Variants in NLGN4X observed in about 807,000 individuals in gnomAD.
NLGN4X encodes the protein neuroligin-4, X-linked.
NLGN4X carries 3 observed loss-of-function variants against 40.3 expected under a neutral mutation model. That is an observed-to-expected ratio of 0.07 (90% CI 0.03 to 0.19). The LOEUF (loss-of-function observed/expected upper bound fraction) is 0.19. NLGN4X is among the 10% of genes least tolerant of loss of function. The pLI is 1.00. For missense variants in NLGN4X, 382 were observed against 708.3 expected (o/e 0.54, Z 5.23); for synonymous variants, 270 against 306.8 (o/e 0.88, Z 1.25).
At chrX:5,938,240 T>C (rs900994441) in intron 3 of NLGN4X, among the ~76,000 whole-genome samples, 1 of 111,369 alleles carries the variant, frequency 9.0e-6, no homozygotes, top group Non-Finnish European at 1.9e-5. Flanking sequence ...TGGGTTCAAG[T>C]TCAGGTTGTG....
chrX:6,193,143 C>G (rs1453870918), intron 1 of NLGN4X, among the ~76,000 whole-genome samples: 1 of 110,284 alleles, frequency 9.1e-6, no homozygotes, highest in Admixed American at 9.6e-5. Flanking sequence ...CTCCCTGGGC[C>G]GGGCGCGGTG....
At chrX:5,969,334 CA>C (rs2034941510) in intron 3 of NLGN4X, among the ~76,000 whole-genome samples, 1 of 110,210 alleles carries the variant, frequency 9.1e-6, no homozygotes, top group Non-Finnish European at 1.9e-5. Context: ...CAAGAAAAAA[CA>C]AAACAACCCC....
At chrX:6,027,061 A>T (rs993548048) in intron 3 of NLGN4X, among the ~76,000 whole-genome samples, 5 of 112,075 alleles carry the variant, frequency 4.5e-5, no homozygotes, top group Non-Finnish European at 7.5e-5. Context: ...CAGCAAAGCA[A>T]GAATTTTCTT....
intron 2 of NLGN4X, among the ~76,000 whole-genome samples, chrX:6,087,982 T>G (rs773102462): frequency 9.0e-6 from 1 of 111,719 alleles, no homozygotes; most frequent in Admixed American, 9.5e-5. Flanking sequence ...ATTTCTCACT[T>G]TTATTCTGAA....
At chrX:6,178,675 CA>C (rs1921071281) in intron 1 of NLGN4X, among the ~76,000 whole-genome samples, 1 of 112,198 alleles carries the variant, frequency 8.9e-6, no homozygotes, top group Non-Finnish European at 1.9e-5. Flanking sequence ...CACTTATTTT[CA>C]AAAAAAGTAT....
chrX:6,225,690 T>TTTTTTTC, intron 1 of NLGN4X, among the ~76,000 whole-genome samples: 1 of 32,457 alleles, frequency 3.1e-5, no homozygotes, highest in Non-Finnish European at 4.7e-5. Flanking sequence ...TCTTTTTTTC[T>TTTTTTTC]TTTTTTTTTT....
intron 3 of NLGN4X, among the ~76,000 whole-genome samples, chrX:5,958,385 A>G (rs1188329932): frequency 9.0e-6 from 1 of 111,509 alleles, no homozygotes; most frequent in Non-Finnish European, 1.9e-5. Flanking sequence ...GAAAATCCAG[A>G]ATTTTTTTCT....
chrX:6,225,011 TAC>T (rs1380311869), intron 1 of NLGN4X, among the ~76,000 whole-genome samples: 4,807 of 48,744 alleles, frequency 0.099, 201 homozygotes, highest in African/African-American at 0.14. Flanking sequence ...TATATATATA[TAC>T]ACACACACAC....
chrX:6,150,088 T>C (rs1362765927), intron 2 of NLGN4X, among the ~76,000 whole-genome samples: 1 of 111,515 alleles, frequency 9.0e-6, no homozygotes, highest in African/African-American at 3.3e-5. Flanking sequence ...TTCCCACAAA[T>C]TAACTTCCTT....
intron 3 of NLGN4X, among the ~76,000 whole-genome samples, chrX:5,979,954 AAC>A (rs200238389): frequency 0.068 from 7,244 of 106,665 alleles, 616 homozygotes; most frequent in African/African-American, 0.23. Flanking sequence ...ATATATAAAA[AAC>A]ACAGTATTTT....
At chrX:5,915,121 C>T (rs1169455270) in intron 3 of NLGN4X, among the ~76,000 whole-genome samples, 2 of 112,216 alleles carry the variant, frequency 1.8e-5, no homozygotes, top group African/African-American at 3.2e-5. Flanking sequence ...GACCATTCTC[C>T]ATTTGTATCA....
chrX:6,099,579 T>C (rs2038861070), intron 2 of NLGN4X, among the ~76,000 whole-genome samples: 1 of 112,111 alleles, frequency 8.9e-6, no homozygotes, highest in African/African-American at 3.2e-5. Flanking sequence ...GTATCTACTA[T>C]CCATTCTTAC....
At chrX:6,133,152 CCAT>C (rs1238064064) in intron 2 of NLGN4X, among the ~76,000 whole-genome samples, 4 of 83,045 alleles carry the variant, frequency 4.8e-5, no homozygotes, top group African/African-American at 7.8e-5. Context: ...ACGATAACCA[CCAT>C]CATCATTATC....
At chrX:5,905,157 C>T in intron 4 of NLGN4X, among the ~76,000 whole-genome samples, 1 of 111,069 alleles carries the variant, frequency 9.0e-6, no homozygotes, top group Non-Finnish European at 1.9e-5. Flanking sequence ...GGAAAAAATG[C>T]TGTGAGAAGT....
At chrX:5,984,462 C>T (rs1179720867) in intron 3 of NLGN4X, among the ~76,000 whole-genome samples, 2 of 105,882 alleles carry the variant, frequency 1.9e-5, no homozygotes, top group East Asian at 2.8e-4. Flanking sequence ...AGAAACAGCA[C>T]CAAAATTTGA....
chrX:6,209,464 G>A (rs1218738266), intron 1 of NLGN4X, among the ~76,000 whole-genome samples: 3 of 111,324 alleles, frequency 2.7e-5, no homozygotes, highest in Non-Finnish European at 5.6e-5. Context: ...ATCACGCAAG[G>A]CACAGGACAG....
At chrX:6,107,397 A>G (rs1233863970) in intron 2 of NLGN4X, among the ~76,000 whole-genome samples, 1 of 111,467 alleles carries the variant, frequency 9.0e-6, no homozygotes, top group Non-Finnish European at 1.9e-5. Context: ...CAGTAAACTA[A>G]TAAGAGGTGA....
At chrX:6,069,903 T>C (rs753024377) in intron 2 of NLGN4X, among the ~76,000 whole-genome samples, 3 of 111,872 alleles carry the variant, frequency 2.7e-5, no homozygotes, top group Non-Finnish European at 5.6e-5. Context: ...GCCATTTTCA[T>C]AGAATGTTGT....
chrX:6,224,384 C>T (rs1225110564), intron 1 of NLGN4X, among the ~76,000 whole-genome samples: 1 of 112,012 alleles, frequency 8.9e-6, no homozygotes, highest in Non-Finnish European at 1.9e-5. Context: ...TTTAAAGAGA[C>T]CCCTGCACTT....
Sources: allele counts gnomAD v4.1 joint callset (sites outside exome capture counted in the v4.1 genomes callset), GRCh38; gene constraint gnomAD v4.1.1; transcripts MANE v1.5; gene names NCBI Gene and HGNC (gene_info 2026-07-23, HGNC 2026-07-21).